BBIP1: variants seen among roughly 807,000 people sequenced by gnomAD.
The protein encoded by BBIP1 is BBSome interacting protein 1.
Under a neutral mutation model 8.9 loss-of-function variants are expected in BBIP1, and 6 were observed. The ratio of observed to expected loss-of-function variants is 0.67; its 90% CI spans 0.37 to 1.33. BBIP1 has a LOEUF of 1.33. Among genes scored for constraint, BBIP1 ranks in the 40% most tolerant of loss-of-function variants. BBIP1 has a pLI of 0.02. For missense variants in BBIP1, 111 were observed against 109.2 expected (o/e 1.02, Z -0.07); for synonymous variants, 32 against 33.4 (o/e 0.96, Z 0.14).
chr10:110,907,251 G>C (rs1387915502), intron 2 of BBIP1: 1 of 152,432 alleles, frequency 6.6e-6, no homozygotes, highest in Non-Finnish European at 1.5e-5. Flanking sequence ...GCGGTGGCTC[G>C]CATCTGGAAT....
intron 2 of BBIP1, chr10:110,907,871 A>G: frequency 1.5e-6 from 1 of 670,590 alleles, no homozygotes; most frequent in Non-Finnish European, 2.7e-6. Flanking sequence ...TCTTTTTAAT[A>G]GCAGGACTGT....
chr10:110,912,438 A>T (rs1477444039), intron 2 of BBIP1, among the ~76,000 whole-genome samples: 1 of 152,202 alleles, frequency 6.6e-6, no homozygotes, highest in Non-Finnish European at 1.5e-5. Context: ...ACTCATGAGA[A>T]GATACTGATC....
intron 2 of BBIP1, chr10:110,912,060 T>C (rs1846290625): frequency 6.6e-6 from 1 of 152,096 alleles, no homozygotes; most frequent in East Asian, 1.9e-4. Context: ...AAGCGCAGCA[T>C]ATTGACTAAA....
At chr10:110,904,872 A>C (rs945950339) in intron 2 of BBIP1, 2 of 152,260 alleles carry the variant, frequency 1.3e-5, no homozygotes, top group Admixed American at 1.3e-4. Flanking sequence ...CTTAAGAGAA[A>C]ACATTAAATT....
At chr10:110,906,805 C>G (rs1003736942) in intron 2 of BBIP1, 1 of 152,344 alleles carries the variant, frequency 6.6e-6, no homozygotes, top group African/African-American at 2.4e-5. Context: ...AGTGATCCGC[C>G]CCCGTTGGCC....
chr10:110,907,705 T>C (rs1023271863), intron 2 of BBIP1: 2 of 698,704 alleles, frequency 2.9e-6, no homozygotes, highest in South Asian at 3.0e-5. Flanking sequence ...ACCCCTCCGA[T>C]TGTCTTCAGG....
Position 110,899,705 on chromosome 10 carries a change from G to C in BBIP1, c.*655C>G, listed in dbSNP as rs55858908. The C allele has an allele frequency of 0.059, 8,936 of 152,094 alleles. 334 individuals carry two copies. The highest frequency in any genetic ancestry group is 0.11 in the African/African-American group (4,377 of 41,398). 9.4% of individuals were successfully genotyped at this position (152,094 alleles called of 1,614,324 possible). On this transcript the variant is annotated 3_prime_UTR_variant, in exon 4 of 4. Coordinates refer to ENST00000448814, the MANE Select transcript of BBIP1 (RefSeq NM_001195305.3). ...CCAGCTACTTGGGAGGCTGAGGCAG[G>C]AGAATTGCTTGAACCTGGGAGGCAG...
chr10:110,907,515 GAAA>G (rs34559519), intron 2 of BBIP1: 248 of 360,618 alleles, frequency 6.9e-4, no homozygotes, highest in Middle Eastern at 4.2e-3. Flanking sequence ...CTTGTCTCAA[GAAA>G]AAAAAAAAAA....
At chr10:110,918,304 T>C (rs560359389) in intron 1 of BBIP1, 91 bp from the exon 2 acceptor site, 62 of 668,032 alleles carry the variant, frequency 9.3e-5, no homozygotes, top group African/African-American at 9.3e-4. Context: ...TAAGAAACTG[T>C]AGACCTGCAG....
At chr10:110,908,448 A>G (rs767708171) in intron 2 of BBIP1, among the ~76,000 whole-genome samples, 18 of 152,234 alleles carry the variant, frequency 1.2e-4, no homozygotes, top group Non-Finnish European at 1.9e-4. Flanking sequence ...TTACTAAGAA[A>G]GGGTTAAGAA....
At chr10:110,917,059 CAAG>C (rs1449879874) in intron 2 of BBIP1, among the ~76,000 whole-genome samples, 1 of 151,908 alleles carries the variant, frequency 6.6e-6, no homozygotes, top group African/African-American at 2.4e-5. Context: ...TTCTGGTTTA[CAAG>C]AAGAAAAAAG....
chr10:110,912,829 A>G (rs1846311230), intron 2 of BBIP1, among the ~76,000 whole-genome samples: 1 of 152,150 alleles, frequency 6.6e-6, no homozygotes, highest in Admixed American at 6.5e-5. Context: ...CTAACCTGTC[A>G]CTACATCTTC....
At chr10:110,917,523 A>T (rs1389958704) in intron 2 of BBIP1, among the ~76,000 whole-genome samples, 1 of 152,224 alleles carries the variant, frequency 6.6e-6, no homozygotes, top group Non-Finnish European at 1.5e-5. Flanking sequence ...TTCAGCTTTT[A>T]AATATATGAA....
chr10:110,914,283 T>A (rs140732526), intron 2 of BBIP1, among the ~76,000 whole-genome samples: 57 of 152,196 alleles, frequency 3.7e-4, no homozygotes, highest in Non-Finnish European at 6.8e-4. Context: ...CTATGAATAT[T>A]TATTAAGTTG....
intron 2 of BBIP1, among the ~76,000 whole-genome samples, chr10:110,916,948 C>T (rs1268831892): frequency 6.6e-6 from 1 of 152,096 alleles, no homozygotes; most frequent in Non-Finnish European, 1.5e-5. Flanking sequence ...CGGCAAAGTG[C>T]GTATAGCTGC....
rs1344009078 is a variant in BBIP1 at position 110,901,533 on chromosome 10, C to G, written c.112+5G>C. On this transcript the variant is annotated splice_donor_5th_base_variant and intron_variant, in intron 3 of 3. Transcript: ENST00000448814. ...CAATGACCTCAATATTTGTGATGTA[C>G]ATACCTTGCTTTGGAAGAACTTCCC... 2.6e-6 allele frequency: 4 copies of G among 1,526,146 alleles called. No homozygotes were observed. Among genetic ancestry groups the G allele is most frequent in the Non-Finnish European group, 3.5e-6 (4 of 1,137,980 alleles). 94.5% of individuals were successfully genotyped at this position (1,526,146 alleles called of 1,614,324 possible).
At chr10:110,910,251 A>C (rs1014934629) in intron 2 of BBIP1, among the ~76,000 whole-genome samples, 5 of 152,174 alleles carry the variant, frequency 3.3e-5, no homozygotes, top group African/African-American at 4.8e-5. Context: ...TCAAATGAAG[A>C]AGCATTAAAA....
chr10:110,914,057 T>G (rs2134044200), intron 2 of BBIP1, among the ~76,000 whole-genome samples: 1 of 152,302 alleles, frequency 6.6e-6, no homozygotes, highest in East Asian at 1.9e-4. Flanking sequence ...AATTCTCCAG[T>G]CCTTCCTACC....
chr10:110,912,389 T>C (rs1377630200), intron 2 of BBIP1: 4 of 152,174 alleles, frequency 2.6e-5, no homozygotes, highest in Admixed American at 2.6e-4. Context: ...TTTAAATTAT[T>C]TTCATCATAT....
Sources: gnomAD v4.1 joint callset for allele counts (sites outside exome capture counted in the v4.1 genomes callset) on GRCh38, gnomAD v4.1.1 for gene constraint, MANE v1.5 for transcripts, NCBI Gene and HGNC (gene_info 2026-07-23, HGNC 2026-07-21) for gene names.